The following MAD1L1 variants were observed in gnomAD, a reference collection of about 807,000 sequenced individuals.
MAD1L1 encodes mitotic arrest deficient 1 like 1.
In MAD1L1, 95 loss-of-function variants were observed where a neutral mutation model predicts 96.9. That is an observed-to-expected ratio of 0.98 (90% confidence interval 0.83 to 1.16). The LOEUF (loss-of-function observed/expected upper bound fraction) is 1.16, where lower values mean the gene tolerates loss of function less well. Ranked by LOEUF, MAD1L1 falls within the 50% of genes most tolerant of loss-of-function variation. The pLI is 0.00. For missense variants in MAD1L1, 1,007 were observed against 954.4 expected (o/e 1.06, Z -0.73); for synonymous variants, 473 against 396.6 (o/e 1.19, Z -2.29).
At chr7:2,110,281 C>T (rs1787312026) in intron 11 of MAD1L1, among the ~76,000 whole-genome samples, 1 of 152,204 alleles carries the variant, frequency 6.6e-6, no homozygotes, top group Non-Finnish European at 1.5e-5. Context: ...GGACTGTGCG[C>T]TCACAGCCGT....
chr7:2,138,031 C>T (rs991414753), intron 11 of MAD1L1, among the ~76,000 whole-genome samples: 2 of 152,362 alleles, frequency 1.3e-5, no homozygotes, highest in Non-Finnish European at 2.9e-5. Context: ...ACTGACAGCG[C>T]GGGCCAGCCC....
intron 11 of MAD1L1, among the ~76,000 whole-genome samples, chr7:2,113,679 G>GAGGC (rs1269273393): frequency 6.6e-6 from 1 of 152,198 alleles, no homozygotes; most frequent in East Asian, 1.9e-4. Flanking sequence ...TGCATTTAGG[G>GAGGC]AGGCCTTCGC....
chr7:1,856,672 A>G (rs1784272358), intron 18 of MAD1L1, among the ~76,000 whole-genome samples: 1 of 152,154 alleles, frequency 6.6e-6, no homozygotes, highest in African/African-American at 2.4e-5. Context: ...AGAAGGGAAG[A>G]TGGCACAGCC....
chr7:1,985,877 G>A (rs1335285321), intron 14 of MAD1L1, among the ~76,000 whole-genome samples: 1 of 152,120 alleles, frequency 6.6e-6, no homozygotes. Context: ...TGGAGCGTGT[G>A]CGTTCCGCCC....
intron 10 of MAD1L1, among the ~76,000 whole-genome samples, chr7:2,186,405 C>T (rs1233305350): frequency 2.6e-5 from 4 of 152,162 alleles, no homozygotes; most frequent in African/African-American, 9.7e-5. Context: ...GTAACTCAAT[C>T]CAAGGGAAAA....
chr7:2,190,353 T>C (rs1301245202), intron 10 of MAD1L1, among the ~76,000 whole-genome samples: 1 of 152,160 alleles, frequency 6.6e-6, no homozygotes, highest in African/African-American at 2.4e-5. Context: ...GTGACCACAC[T>C]ACACACAAAA....
intron 18 of MAD1L1, among the ~76,000 whole-genome samples, chr7:1,843,903 C>T (rs907734461): frequency 6.6e-6 from 1 of 152,224 alleles, no homozygotes; most frequent in African/African-American, 2.4e-5. Flanking sequence ...GAATCTCTTC[C>T]ACTTCAGCCA....
chr7:1,995,942 T>C (rs1222376910), intron 14 of MAD1L1, among the ~76,000 whole-genome samples: 1 of 152,156 alleles, frequency 6.6e-6, no homozygotes, highest in East Asian at 1.9e-4. Context: ...ACCAGGAGGC[T>C]CTCATGATCA....
At chr7:2,224,256 TGGTG>T (rs1230056507) in intron 4 of MAD1L1, among the ~76,000 whole-genome samples, 4 of 152,092 alleles carry the variant, frequency 2.6e-5, no homozygotes, top group African/African-American at 4.8e-5. Flanking sequence ...ACCAATGACC[TGGTG>T]GCTCCTCTCC....
intron 16 of MAD1L1, among the ~76,000 whole-genome samples, chr7:1,938,759 C>G (rs867738427): frequency 1.5e-4 from 22 of 146,328 alleles, no homozygotes; most frequent in African/African-American, 5.4e-4. Context: ...CACACACACA[C>G]ACACACACAC....
chr7:2,227,421 C>A (rs1250686209), intron 3 of MAD1L1, among the ~76,000 whole-genome samples: 1 of 152,198 alleles, frequency 6.6e-6, no homozygotes, highest in African/African-American at 2.4e-5. Flanking sequence ...CTGGGAACAT[C>A]TGGCCCTGTC....
At chr7:1,948,113 G>A (rs990361206) in intron 16 of MAD1L1, among the ~76,000 whole-genome samples, 3 of 152,124 alleles carry the variant, frequency 2.0e-5, no homozygotes, top group Non-Finnish European at 2.9e-5. Flanking sequence ...TGAGTGTCCC[G>A]GGCCTCATCT....
At chr7:1,990,563 A>G (rs1781362889) in intron 14 of MAD1L1, among the ~76,000 whole-genome samples, 1 of 152,258 alleles carries the variant, frequency 6.6e-6, no homozygotes, top group African/African-American at 2.4e-5. Context: ...TCCTCAGAAA[A>G]AAACAGCCCA....
intron 16 of MAD1L1, among the ~76,000 whole-genome samples, chr7:1,951,383 G>A (rs1020921156): frequency 5.3e-5 from 8 of 152,190 alleles, no homozygotes; most frequent in Non-Finnish European, 1.2e-4. Context: ...TCCCGTCCGG[G>A]GTGTGGCTCA....
chr7:1,957,446 T>C (rs997311845), intron 16 of MAD1L1, among the ~76,000 whole-genome samples, 183 bp downstream of exon 16: 1 of 152,158 alleles, frequency 6.6e-6, no homozygotes, highest in African/African-American at 2.4e-5. Flanking sequence ...AGGCAGCCAG[T>C]GCAGGCCTGT....
At chr7:1,820,973 T>G (rs1170361198) in intron 18 of MAD1L1, among the ~76,000 whole-genome samples, 1 of 148,322 alleles carries the variant, frequency 6.7e-6, no homozygotes, top group East Asian at 2.0e-4. Context: ...CCCAGCTCCT[T>G]GGGAGGCTGA....
chr7:1,962,834 C>T (rs1161244973), intron 15 of MAD1L1, among the ~76,000 whole-genome samples: 1 of 152,210 alleles, frequency 6.6e-6, no homozygotes, highest in East Asian at 1.9e-4. Flanking sequence ...GTAGTCCCAG[C>T]TACTCAGGAG....
At position 2,101,544 on chromosome 7, in the gene MAD1L1, C is replaced by G. The variant is rs980460136; in HGVS notation, c.1074-32206G>C. Reference sequence around the variant, plus strand: ...GCTCCACTCCTAAAGGGTCTCCATCCAGGTGGGTGGCAGGAGACTGGGGCT... The same window carrying G: ...GCTCCACTCCTAAAGGGTCTCCATCGAGGTGGGTGGCAGGAGACTGGGGCT... On this transcript the variant is annotated intron_variant, in intron 11 of 18. Coordinates refer to ENST00000265854, the MANE Select transcript of MAD1L1 (RefSeq NM_001013836.2). Among the ~76,000 whole-genome samples the G allele has an allele frequency of 2.7e-5, 4 of 149,696 alleles. No homozygotes were observed. The South Asian group carries it at 8.6e-4, about 32-fold the overall frequency.
At chr7:1,896,184 G>A (rs900220706) in intron 18 of MAD1L1, among the ~76,000 whole-genome samples, 1 of 152,132 alleles carries the variant, frequency 6.6e-6, no homozygotes, top group Non-Finnish European at 1.5e-5. Flanking sequence ...GAGCCTGGGG[G>A]CTGAGAGGGC....
Sources: gnomAD v4.1 joint callset for allele counts (sites outside exome capture counted in the v4.1 genomes callset) on GRCh38, gnomAD v4.1.1 for gene constraint, MANE v1.5 for transcripts, NCBI Gene and HGNC (gene_info 2026-07-23, HGNC 2026-07-21) for gene names.